NGLY1: variants seen among roughly 807,000 people sequenced by gnomAD.
NGLY1 encodes peptide-N(4)-(N-acetyl-beta-glucosaminyl)asparagine amidase.
In NGLY1, 68 loss-of-function variants were observed where a neutral mutation model predicts 84.6. The ratio of observed to expected loss-of-function variants is 0.80; its 90% CI spans 0.66 to 0.98. The LOEUF is 0.98. Ranked by LOEUF, NGLY1 falls within the 50% of genes least tolerant of loss-of-function variation. The pLI is 0.00. For synonymous variants in NGLY1, 280 were observed against 275.2 expected (o/e 1.02, Z -0.17); for missense variants, 779 against 770.2 (o/e 1.01, Z -0.14).
intron 8 of NGLY1, 97 bp from the exon 9 acceptor site, chr3:25,732,580 G>T: frequency 1.3e-6 from 1 of 794,236 alleles, no homozygotes. Flanking sequence ...CATTTTAAGA[G>T]GTCTTGAAAC....
chr3:25,758,670 T>C (rs552154652), intron 3 of NGLY1, among the ~76,000 whole-genome samples: 26 of 152,328 alleles, frequency 1.7e-4, no homozygotes, highest in African/African-American at 5.8e-4. Flanking sequence ...TATATTGCCG[T>C]AGTAGTACAT....
At chr3:25,726,302 G>A (rs1030670802) in intron 10 of NGLY1, among the ~76,000 whole-genome samples, 2 of 152,144 alleles carry the variant, frequency 1.3e-5, no homozygotes, top group Non-Finnish European at 2.9e-5. Context: ...TATGAATACT[G>A]AGAGTACAAA....
At chr3:25,740,653 T>C (rs1575623185) in intron 4 of NGLY1, among the ~76,000 whole-genome samples, 1 of 152,226 alleles carries the variant, frequency 6.6e-6, no homozygotes, top group East Asian at 1.9e-4. Context: ...CTTGTATTTA[T>C]GTTTGATGTA....
At chr3:25,789,918 G>C (rs1330112611) in exon 1 of NGLY1, 29 of 1,550,962 alleles carry the variant, frequency 1.9e-5, no homozygotes, top group Non-Finnish European at 2.5e-5. Context: ...TTCCGAGAGG[G>C]GCGTCTCTGC....
intron 2 of NGLY1, among the ~76,000 whole-genome samples, chr3:25,769,834 T>C (rs966802844): frequency 7.9e-5 from 12 of 152,096 alleles, no homozygotes; most frequent in African/African-American, 2.9e-4. Context: ...GGGGAAGGGG[T>C]TGATGTCTGG....
At chr3:25,749,684 A>AT in intron 4 of NGLY1, 1 of 1,578,784 alleles carries the variant, frequency 6.3e-7, no homozygotes. Flanking sequence ...CAACAAAAAA[A>AT]CAAAGCACAT....
intron 3 of NGLY1, chr3:25,755,419 G>A: frequency 6.9e-7 from 1 of 1,451,202 alleles, no homozygotes; most frequent in East Asian, 2.3e-5. Context: ...CACAAACAGT[G>A]TCTGTCCCAA....
In NGLY1 at chr3:25,749,320, C is replaced by T. The variant is rs186538193; in HGVS notation, c.658+1778G>A. The stretch of plus-strand genomic sequence containing the variant: ...CCCACGTTCATAGCAACATTATTCA[C>T]AATAGCCAAAATATTGAAACAACCC... On this transcript the variant is annotated intron_variant, in intron 4 of 11. Coordinates refer to ENST00000280700, the MANE Select transcript of NGLY1 (RefSeq NM_018297.4). 4.2e-3 allele frequency among the ~76,000 whole-genome samples: 643 copies of T among 152,292 alleles called. 4 individuals are homozygous for T. The highest frequency in any genetic ancestry group is 0.014 in the African/African-American group (597 of 41,554).
At chr3:25,731,460 C>T (rs113320528) in intron 9 of NGLY1, among the ~76,000 whole-genome samples, 3 of 152,138 alleles carry the variant, frequency 2.0e-5, no homozygotes, top group African/African-American at 7.2e-5. Flanking sequence ...ACCAAGTGTA[C>T]ACAAAGATGT....
chr3:25,726,193 T>C (rs1705249834), intron 10 of NGLY1, among the ~76,000 whole-genome samples: 1 of 152,154 alleles, frequency 6.6e-6, no homozygotes, highest in Non-Finnish European at 1.5e-5. Flanking sequence ...TACAGTGCTC[T>C]ACATAGCCCT....
At position 25,719,458 on chromosome 3, in the gene NGLY1, T is replaced by C; in HGVS notation, c.*2A>G. 6.2e-7 allele frequency: 1 copy of C among 1,612,792 alleles called. No individual in the cohort carries two copies. The highest frequency in any genetic ancestry group is 8.5e-7 in the Non-Finnish European group (1 of 1,178,940). Reference sequence around the variant, plus strand: ...GCCAGCTTTTCTATAATGTTCAGGTTCTCAAAGGTCACTGAATTTTATAAT... The same window carrying C: ...GCCAGCTTTTCTATAATGTTCAGGTCCTCAAAGGTCACTGAATTTTATAAT... On this transcript the variant is annotated 3_prime_UTR_variant, in exon 12 of 12. Coordinates refer to ENST00000280700, the MANE Select transcript of NGLY1 (RefSeq NM_018297.4).
upstream of NGLY1, among the ~76,000 whole-genome samples, chr3:25,787,920 A>C (rs1708639831): frequency 1.3e-5 from 2 of 152,082 alleles, no homozygotes; most frequent in East Asian, 1.9e-4. Context: ...GCCCTTTCCC[A>C]CCCAATTTAC....
At chr3:25,737,098 A>G (rs1046192683) in intron 6 of NGLY1, 7 of 350,632 alleles carry the variant, frequency 2.0e-5, no homozygotes, top group Admixed American at 8.7e-5. Flanking sequence ...AATAAAGGGG[A>G]AAAAAAGGAA....
chr3:25,759,983 T>C (rs1005049238), intron 3 of NGLY1, among the ~76,000 whole-genome samples: 3 of 152,044 alleles, frequency 2.0e-5, no homozygotes, highest in African/African-American at 7.2e-5. Flanking sequence ...TCTCTTTAAT[T>C]TTATGCAACC....
intron 2 of NGLY1, among the ~76,000 whole-genome samples, chr3:25,774,938 G>C (rs1003833962): frequency 2.6e-5 from 4 of 152,160 alleles, no homozygotes; most frequent in African/African-American, 7.2e-5. Context: ...GTCAGAAATG[G>C]CTTCCTTGGT....
At chr3:25,724,129 A>T (rs1705141456) in intron 10 of NGLY1, among the ~76,000 whole-genome samples, 1 of 152,216 alleles carries the variant, frequency 6.6e-6, no homozygotes, top group Non-Finnish European at 1.5e-5. Context: ...TATTCTACAG[A>T]AGATTTTGCT....
exon 1 of NGLY1, chr3:25,789,907 G>A (rs1708685962): frequency 6.4e-7 from 1 of 1,551,602 alleles, no homozygotes; most frequent in Non-Finnish European, 8.7e-7. Context: ...AGTCACTGAG[G>A]TTCCGAGAGG....
chr3:25,780,634 T>A (rs900144976), intron 1 of NGLY1, among the ~76,000 whole-genome samples: 1 of 152,204 alleles, frequency 6.6e-6, no homozygotes, highest in Non-Finnish European at 1.5e-5. Context: ...TTTGTTTTGT[T>A]TTTTAAAAAA....
intron 2 of NGLY1, among the ~76,000 whole-genome samples, chr3:25,771,412 T>C (rs1053178139): frequency 3.9e-5 from 6 of 152,244 alleles, no homozygotes; most frequent in African/African-American, 9.6e-5. Context: ...CCTATTTTTA[T>C]GCCGGTACCA....
Sources: allele counts gnomAD v4.1 joint callset (sites outside exome capture counted in the v4.1 genomes callset), GRCh38; gene constraint gnomAD v4.1.1; transcripts MANE v1.5; gene names NCBI Gene and HGNC (gene_info 2026-07-23, HGNC 2026-07-21).